The following DSCAML1 variants were observed in gnomAD, a reference collection of about 807,000 sequenced individuals.
DSCAML1 encodes the protein DS cell adhesion molecule like 1.
In DSCAML1, 38 loss-of-function variants were observed where a neutral mutation model predicts 200.5. The observed-to-expected ratio is 0.19, with a 90% CI of 0.15 to 0.25. DSCAML1 has a LOEUF of 0.25. Among genes scored for constraint, DSCAML1 ranks in the 10% least tolerant of loss-of-function variants. The probability of loss-of-function intolerance (pLI) is 1.00; values close to 1 mark genes in which losing one functional copy is unlikely to be tolerated. For synonymous variants in DSCAML1, 1,215 were observed against 1,165.0 expected, an observed-to-expected ratio of 1.04 and a Z score of -0.87; for missense variants, 2,223 against 2,858.8, an observed-to-expected ratio of 0.78 and a Z score of 5.07.
chr11:117,620,541 G>T (rs1295156722), intron 3 of DSCAML1, among the ~76,000 whole-genome samples: 1 of 152,184 alleles, frequency 6.6e-6, no homozygotes, highest in African/African-American at 2.4e-5. Flanking sequence ...GCTCAGACAG[G>T]CTTGTCTGTT....
intron 30 of DSCAML1, 38 bp downstream of exon 30, chr11:117,432,314 G>A (rs1329024844): frequency 1.9e-6 from 3 of 1,584,976 alleles, no homozygotes; most frequent in East Asian, 2.3e-5. Flanking sequence ...AGCCACCCCG[G>A]TTGGGAAAAG....
intron 3 of DSCAML1, among the ~76,000 whole-genome samples, chr11:117,744,239 A>C (rs1036787820): frequency 6.6e-6 from 1 of 152,244 alleles, no homozygotes; most frequent in Non-Finnish European, 1.5e-5. Context: ...GCTTAAGGTC[A>C]CACATCAAGT....
chr11:117,712,072 G>A (rs991938724), intron 3 of DSCAML1, among the ~76,000 whole-genome samples: 2 of 152,130 alleles, frequency 1.3e-5, no homozygotes, highest in Non-Finnish European at 2.9e-5. Context: ...GGCATTATGA[G>A]CTATATAATG....
At chr11:117,678,424 T>G (rs535389338) in intron 3 of DSCAML1, among the ~76,000 whole-genome samples, 1 of 152,202 alleles carries the variant, frequency 6.6e-6, no homozygotes, top group Non-Finnish European at 1.5e-5. Flanking sequence ...AAGAATAAAA[T>G]GGACAAAATC....
chr11:117,697,114 C>A (rs2053598533), intron 3 of DSCAML1, among the ~76,000 whole-genome samples: 1 of 152,160 alleles, frequency 6.6e-6, no homozygotes, highest in South Asian at 2.1e-4. Context: ...GGAACCATGG[C>A]TCAGAGGGGT....
At chr11:117,581,609 A>G (rs764450320) in intron 3 of DSCAML1, among the ~76,000 whole-genome samples, 3 of 152,210 alleles carry the variant, frequency 2.0e-5, no homozygotes, top group Non-Finnish European at 4.4e-5. Context: ...AACATTAAGC[A>G]TTGTGATGAA....
chr11:117,518,046 T>A lies in DSCAML1; in HGVS notation c.1510+420A>T, dbSNP rs1592689944. ...GGAGCACAGCTTGGGTGGGCAACCATGTTAAAGACCAAGCCTGGTCCCCAG... is the reference window on the plus strand; with the variant it reads ...GGAGCACAGCTTGGGTGGGCAACCAAGTTAAAGACCAAGCCTGGTCCCCAG... On this transcript the variant is annotated intron_variant, in intron 7 of 32. Coordinates refer to ENST00000651296, the MANE Select transcript of DSCAML1 (RefSeq NM_020693.4). The surrounding 1 kb of genome is among the most constrained non-coding windows in gnomAD (Gnocchi z 6.3). 6.6e-6 allele frequency among the ~76,000 whole-genome samples: 1 copy of A among 152,270 alleles called. No individual in the cohort carries two copies. Among genetic ancestry groups the A allele is most frequent in the Non-Finnish European group, 1.5e-5 (1 of 68,002 alleles).
At chr11:117,720,501 T>C (rs1288965039) in intron 3 of DSCAML1, among the ~76,000 whole-genome samples, 2 of 152,094 alleles carry the variant, frequency 1.3e-5, no homozygotes, top group African/African-American at 4.8e-5. Context: ...GCTTGTCCCC[T>C]CTCCCAGGGC....
chr11:117,515,285 C>A (rs2073621645), intron 8 of DSCAML1, among the ~76,000 whole-genome samples: 1 of 152,182 alleles, frequency 6.6e-6, no homozygotes, highest in African/African-American at 2.4e-5. Flanking sequence ...ACCCCTGTAG[C>A]CTGGTTTTCA....
chr11:117,697,579 A>G (rs1466720251), intron 3 of DSCAML1, among the ~76,000 whole-genome samples: 1 of 152,014 alleles, frequency 6.6e-6, no homozygotes, highest in Non-Finnish European at 1.5e-5. Context: ...TGTACCCATT[A>G]AACACTAACC....
At chr11:117,675,511 C>T (rs1425491619) in intron 3 of DSCAML1, among the ~76,000 whole-genome samples, 5 of 126,988 alleles carry the variant, frequency 3.9e-5, no homozygotes, top group African/African-American at 1.5e-4. Flanking sequence ...GAGACAGGGT[C>T]TCACCATGTT....
chr11:117,525,146 G>A (rs2049954615), intron 4 of DSCAML1, 63 bp from the exon 5 acceptor site: 4 of 1,465,884 alleles, frequency 2.7e-6, no homozygotes, highest in Admixed American at 2.8e-5. Context: ...GGCGCTGGGG[G>A]AGGGAAGGCA....
At chr11:117,586,171 G>A (rs888036201) in intron 3 of DSCAML1, among the ~76,000 whole-genome samples, 5 of 152,172 alleles carry the variant, frequency 3.3e-5, no homozygotes, top group African/African-American at 1.2e-4. Flanking sequence ...ACAGCTGGGG[G>A]CAGAGCTGGG....
intron 3 of DSCAML1, among the ~76,000 whole-genome samples, chr11:117,705,218 G>GA (rs2053739030): frequency 6.6e-6 from 1 of 152,176 alleles, no homozygotes; most frequent in African/African-American, 2.4e-5. Flanking sequence ...TGCAATCCCA[G>GA]AGAACCCTCT....
chr11:117,518,517 C>A lies in DSCAML1; in HGVS notation c.1459G>T (p.Ala487Ser), dbSNP rs1565759197. ...TCAGCACTGCCCACCAAGTTCCGCG[C>A]TGTGCACCGGTACACGCCCCCGTCG... ...IRDGGVYRCT[A>S]RNLVGSAEYQ... Residue 487 changes from alanine to serine, a missense_variant, in exon 7 of 33, where the codon GCG (alanine) becomes TCG (serine). Physicochemically the swap from Ala to Ser is moderately conservative, Grantham distance 99. Transcript: ENST00000651296. The surrounding 1 kb of genome is among the most constrained non-coding windows in gnomAD (Gnocchi z 6.3). The A allele has an allele frequency of 6.2e-6, 10 of 1,614,220 alleles. No homozygotes were observed. The highest frequency in any genetic ancestry group is 8.5e-6 in the Non-Finnish European group (10 of 1,180,050).
intron 15 of DSCAML1, among the ~76,000 whole-genome samples, chr11:117,470,433 G>A (rs921689698): frequency 1.2e-4 from 19 of 152,196 alleles, no homozygotes; most frequent in Non-Finnish European, 2.8e-4. Flanking sequence ...AAATTAGCCG[G>A]GCGAGGTGGC....
chr11:117,684,191 A>T (rs1322168276), intron 3 of DSCAML1, among the ~76,000 whole-genome samples: 2 of 152,164 alleles, frequency 1.3e-5, no homozygotes, highest in Non-Finnish European at 2.9e-5. Context: ...CCCATGTGCC[A>T]ATCACAGGGA....
intron 3 of DSCAML1, among the ~76,000 whole-genome samples, chr11:117,609,852 G>A (rs2051650502): frequency 1.3e-5 from 2 of 152,130 alleles, no homozygotes; most frequent in Admixed American, 1.3e-4. Flanking sequence ...AGTGGTGAAT[G>A]GAGTGTGGAA....
chr11:117,607,664 C>G (rs1002846506), intron 3 of DSCAML1, among the ~76,000 whole-genome samples: 2 of 152,172 alleles, frequency 1.3e-5, no homozygotes, highest in Non-Finnish European at 2.9e-5. Flanking sequence ...GGGCCTGGCT[C>G]TCAGAGAGCA....
Sources: gnomAD v4.1 joint callset for allele counts (sites outside exome capture counted in the v4.1 genomes callset) on GRCh38, gnomAD v4.1.1 for gene constraint, Gnocchi (gnomAD v3.1) non-coding constraint, MANE v1.5 for transcripts, NCBI Gene and HGNC (gene_info 2026-07-23, HGNC 2026-07-21) for gene names.